SYN3: variants seen among roughly 807,000 people sequenced by gnomAD.
SYN3 encodes synapsin-3.
SYN3 carries 35 observed loss-of-function variants against 65.8 expected under a neutral mutation model. The ratio of observed to expected loss-of-function variants is 0.53; its 90% CI spans 0.41 to 0.70. The LOEUF (loss-of-function observed/expected upper bound fraction) is 0.70, where lower values mean the gene tolerates loss of function less well. SYN3 is among the 30% of genes least tolerant of loss of function. The pLI, the probability that SYN3 is intolerant of heterozygous loss-of-function variation, is 0.00. For missense variants in SYN3, 680 were observed against 749.0 expected (o/e 0.91, Z 1.08); for synonymous variants, 270 against 292.9 (o/e 0.92, Z 0.80).
chr22:32,695,645 A>G (rs967370308), intron 6 of SYN3, among the ~76,000 whole-genome samples: 1 of 152,146 alleles, frequency 6.6e-6, no homozygotes, highest in Non-Finnish European at 1.5e-5. Context: ...GACAAGCTGC[A>G]AGGCTGACTG....
At chr22:32,661,871 G>A (rs2060221789) in intron 6 of SYN3, among the ~76,000 whole-genome samples, 1 of 152,210 alleles carries the variant, frequency 6.6e-6, no homozygotes, top group African/African-American at 2.4e-5. Flanking sequence ...AATGTCCACA[G>A]CCAAGTTGCA....
rs191103089 is a variant in SYN3 at position 32,832,228 on chromosome 22, T to C, written c.711+32687A>G. ...AAGTTTGACTTTTCAGAAATGTGAT[T>C]TTAGAACATAGCAAACAGGAAGCAC... On this transcript the variant is annotated intron_variant, in intron 6 of 13. Transcript: ENST00000358763. Among the ~76,000 whole-genome samples the C allele has an allele frequency of 1.4e-3, 215 of 152,282 alleles. 1 individual carries two copies. The highest frequency in any genetic ancestry group is 5.1e-3 in the African/African-American group (211 of 41,544).
intron 2 of SYN3, among the ~76,000 whole-genome samples, chr22:32,984,787 C>T (rs111900291): frequency 6.9e-4 from 105 of 152,034 alleles, no homozygotes; most frequent in African/African-American, 2.1e-3. Context: ...GGCCTGGGAC[C>T]GGGAATGGTA....
At chr22:32,685,343 C>T (rs2060575918) in intron 6 of SYN3, among the ~76,000 whole-genome samples, 2 of 152,316 alleles carry the variant, frequency 1.3e-5, no homozygotes, top group Admixed American at 1.3e-4. Flanking sequence ...AACAAACTTT[C>T]TGGAGGGCAA....
Position 32,857,909 on chromosome 22 carries a change from A to G in SYN3, c.711+7006T>C, listed in dbSNP as rs1176091419. On this transcript the variant is annotated intron_variant, in intron 6 of 13. Transcript: ENST00000358763. ...AAATAAAATCATGGGTCTGAAAAGTACCCAGCCACAGTGCCTGGGCTAAGT... is the reference window on the plus strand; with the variant it reads ...AAATAAAATCATGGGTCTGAAAAGTGCCCAGCCACAGTGCCTGGGCTAAGT... 11 of 1,550,156 alleles carry G rather than the reference A, an allele frequency of 7.1e-6. No individual in the cohort carries two copies. In the Admixed American group the frequency reaches 1.8e-4, roughly 26 times the overall value.
At chr22:32,938,925 C>CT (rs1556022930) in intron 3 of SYN3, among the ~76,000 whole-genome samples, 1 of 57,046 alleles carries the variant, frequency 1.8e-5, no homozygotes, top group East Asian at 4.1e-4. Context: ...AAGGCTTTGT[C>CT]TCAAAAAAAA....
intron 6 of SYN3, among the ~76,000 whole-genome samples, chr22:32,717,017 C>T (rs2061048476): frequency 6.6e-6 from 1 of 152,162 alleles, no homozygotes; most frequent in African/African-American, 2.4e-5. Flanking sequence ...CCCCATTCAC[C>T]TCTCCTATTA....
intron 2 of SYN3, among the ~76,000 whole-genome samples, chr22:32,991,627 A>G (rs1251718722): frequency 2.6e-5 from 4 of 152,132 alleles, no homozygotes; most frequent in Non-Finnish European, 1.5e-5. Flanking sequence ...TAGCAGGGAA[A>G]TATTTCTCTA....
At chr22:32,999,802 C>T (rs1267396074) in intron 2 of SYN3, among the ~76,000 whole-genome samples, 1 of 152,138 alleles carries the variant, frequency 6.6e-6, no homozygotes, top group Non-Finnish European at 1.5e-5. Context: ...CAACGATTCC[C>T]CCACCACAGG....
intron 2 of SYN3, among the ~76,000 whole-genome samples, chr22:32,994,981 G>T (rs1161652074): frequency 6.6e-6 from 1 of 152,178 alleles, no homozygotes; most frequent in Non-Finnish European, 1.5e-5. Context: ...CCATGACCCT[G>T]CCTTCCTGCT....
intron 6 of SYN3, chr22:32,859,161 G>C: frequency 6.2e-7 from 1 of 1,614,062 alleles, no homozygotes; most frequent in East Asian, 2.2e-5. Context: ...ATCAACTGCT[G>C]CCTGTTATCT....
chr22:32,633,424 TC>T (rs1308583529), intron 6 of SYN3, among the ~76,000 whole-genome samples: 1 of 151,806 alleles, frequency 6.6e-6, no homozygotes. Flanking sequence ...CCCCTGCCCT[TC>T]CCCCAGGACC....
At chr22:32,921,571 G>A (rs2050334981) in intron 4 of SYN3, among the ~76,000 whole-genome samples, 1 of 152,166 alleles carries the variant, frequency 6.6e-6, no homozygotes, top group African/African-American at 2.4e-5. Flanking sequence ...AATTCACTCG[G>A]TATAGAATCA....
chr22:32,930,026 T>C (rs1463897430), intron 4 of SYN3, among the ~76,000 whole-genome samples: 1 of 152,200 alleles, frequency 6.6e-6, no homozygotes, highest in Non-Finnish European at 1.5e-5. Context: ...CTGGTCCAAA[T>C]GACCTAGCCC....
At chr22:32,653,296 T>C (rs1046438229) in intron 6 of SYN3, among the ~76,000 whole-genome samples, 1 of 151,420 alleles carries the variant, frequency 6.6e-6, no homozygotes, top group Non-Finnish European at 1.5e-5. Flanking sequence ...TGGGCCAAGA[T>C]GATGCCCCTT....
At chr22:32,738,065 G>A (rs930424103) in intron 6 of SYN3, among the ~76,000 whole-genome samples, 1 of 152,056 alleles carries the variant, frequency 6.6e-6, no homozygotes, top group African/African-American at 2.4e-5. Context: ...GTAGTAATAC[G>A]GTCATCATAA....
chr22:32,747,729 C>T (rs554570358), intron 6 of SYN3, among the ~76,000 whole-genome samples: 58 of 152,298 alleles, frequency 3.8e-4, no homozygotes, highest in African/African-American at 1.2e-3. Context: ...GCAATAACCA[C>T]GCAGTGAGTG....
intron 3 of SYN3, among the ~76,000 whole-genome samples, chr22:32,973,563 A>G (rs889526871): frequency 3.9e-5 from 6 of 152,234 alleles, no homozygotes; most frequent in African/African-American, 9.6e-5. Context: ...GGCATGGCCC[A>G]TTCCTTATTA....
In SYN3 at chr22:32,800,742, C is replaced by T. The variant is rs115998237; in HGVS notation, c.711+64173G>A. ...ATGGGCAGGGAACCACTTCCTCTTG[C>T]CTTTCTACTTTCTGTCTTTCAAACA... On this transcript the variant is annotated intron_variant, in intron 6 of 13. Coordinates refer to ENST00000358763, the MANE Select transcript of SYN3 (RefSeq NM_003490.4). Among the ~76,000 whole-genome samples the T allele has an allele frequency of 7.2e-3, 1,097 of 152,294 alleles. 10 individuals carry two copies. The highest frequency in any genetic ancestry group is 0.023 in the African/African-American group (953 of 41,566).
Sources: allele counts gnomAD v4.1 joint callset (sites outside exome capture counted in the v4.1 genomes callset), GRCh38; gene constraint gnomAD v4.1.1; transcripts MANE v1.5; gene names NCBI Gene and HGNC (gene_info 2026-07-23, HGNC 2026-07-21).